Variants in EFCAB8 observed in about 807,000 individuals in gnomAD.
EFCAB8 encodes the protein EF-hand calcium binding domain 8.
A neutral mutation model predicts 116.3 loss-of-function variants in EFCAB8; 100 were observed. The ratio of observed to expected loss-of-function variants is 0.86; its 90% CI spans 0.73 to 1.02. The LOEUF is 1.02. Ranked by LOEUF, EFCAB8 falls within the 50% of genes least tolerant of loss-of-function variation. EFCAB8 has a pLI of 0.00. For missense variants in EFCAB8, 1,320 were observed against 1,416.9 expected (o/e 0.93, Z 1.10); for synonymous variants, 558 against 567.9 (o/e 0.98, Z 0.25).
Position 32,901,961 on chromosome 20 carries a change from C to T in EFCAB8, c.1088+3338C>T, listed in dbSNP as rs143369873. On this transcript the variant is annotated intron_variant, in intron 11 of 26. Coordinates refer to ENST00000400522, the MANE Select transcript of EFCAB8 (RefSeq NM_001143967.2). Reference sequence around the variant, plus strand: ...TCGGCCTCCCAAAGTGCTGGGATTACAGGCGTGAGCCACCGCTCCTGGCCT... The same window carrying T: ...TCGGCCTCCCAAAGTGCTGGGATTATAGGCGTGAGCCACCGCTCCTGGCCT... 2.0e-5 allele frequency among the ~76,000 whole-genome samples: 3 copies of T among 152,332 alleles called. No individual in the cohort carries two copies. The East Asian group carries it at 5.8e-4, about 29-fold the overall frequency.
In EFCAB8 at chr20:32,885,559, G is replaced by T. The variant is rs950273646; in HGVS notation, c.486G>T (p.Lys162Asn). 6 of 1,551,804 alleles carry T rather than the reference G, an allele frequency of 3.9e-6. No homozygotes were observed. Among genetic ancestry groups the T allele is most frequent in the Non-Finnish European group, 5.2e-6 (6 of 1,147,016 alleles). The change falls in exon 6 of 27, where the codon AAG (lysine) becomes AAT (asparagine). Residue 162 changes from lysine to asparagine, a missense_variant. Lys to Asn is a moderately conservative substitution (Grantham distance 94). Coordinates refer to ENST00000400522, the MANE Select transcript of EFCAB8 (RefSeq NM_001143967.2). ...TGTTTTTAATCCACCGGTTCAAGAA[G>T]ATCGGGTGTTTCCTGACTGTCACCA... ...KVVFLIHRFKKIGCFLTVTKD... is the reference protein window; with the variant it reads ...KVVFLIHRFKNIGCFLTVTKD...
chr20:32,929,922 G>A (rs1293926842), intron 20 of EFCAB8, among the ~76,000 whole-genome samples: 1 of 152,198 alleles, frequency 6.6e-6, no homozygotes, highest in African/African-American at 2.4e-5. Flanking sequence ...CAAAGGGCAT[G>A]ATCAAAACAA....
At chr20:32,885,419 C>T in intron 5 of EFCAB8, 86 bp from the exon 6 acceptor site, 1 of 1,517,116 alleles carries the variant, frequency 6.6e-7, no homozygotes, top group Non-Finnish European at 8.9e-7. Context: ...TGTCCCTCCT[C>T]CTCGGTGGCT....
chr20:32,941,717 A>G (rs1988414432), intron 22 of EFCAB8, among the ~76,000 whole-genome samples: 1 of 152,174 alleles, frequency 6.6e-6, no homozygotes, highest in African/African-American at 2.4e-5. Context: ...AGTTGGGGAA[A>G]TTGCGTAGTG....
intron 21 of EFCAB8, 26 bp downstream of exon 21, chr20:32,930,642 G>T: frequency 6.5e-7 from 1 of 1,547,522 alleles, no homozygotes; most frequent in South Asian, 1.2e-5. Flanking sequence ...CAGGAAGATT[G>T]AGGGGCTGGT....
At chr20:32,896,915 T>C (rs1379849511) in intron 10 of EFCAB8, among the ~76,000 whole-genome samples, 2 of 152,150 alleles carry the variant, frequency 1.3e-5, no homozygotes, top group Non-Finnish European at 2.9e-5. Context: ...TGGAACAAAA[T>C]CTCAAGTCCT....
rs11472143 is a variant in EFCAB8 at position 32,921,700 on chromosome 20, C to CTTT, written c.2412+1495_2412+1497dup. The stretch of plus-strand genomic sequence containing the variant: ...CTAACAGGTTGGTTTTAGCCTTGTA[C>CTTT]TTTTTTTTTTTTGACTAGTAATATA... On this transcript the variant is annotated intron_variant, in intron 20 of 26. Coordinates refer to ENST00000400522, the MANE Select transcript of EFCAB8 (RefSeq NM_001143967.2). Among the ~76,000 whole-genome samples the CTTT allele has an allele frequency of 6.6e-3, 965 of 147,068 alleles. 8 individuals are homozygous for CTTT. Among genetic ancestry groups the CTTT allele is most frequent in the African/African-American group, 0.017 (675 of 40,232 alleles).
At chr20:32,948,775 T>C (rs1208598655) in intron 23 of EFCAB8, among the ~76,000 whole-genome samples, 1 of 152,188 alleles carries the variant, frequency 6.6e-6, no homozygotes, top group Non-Finnish European at 1.5e-5. Flanking sequence ...TGTGATTATC[T>C]TGATACAATA....
chr20:32,926,475 T>C (rs1283019963), intron 20 of EFCAB8, among the ~76,000 whole-genome samples: 2 of 151,682 alleles, frequency 1.3e-5, no homozygotes, highest in African/African-American at 4.8e-5. Flanking sequence ...GTGGACAGTT[T>C]TTCCTCTCAG....
chr20:32,882,214 A>C (rs190037507), intron 5 of EFCAB8, among the ~76,000 whole-genome samples: 14 of 152,268 alleles, frequency 9.2e-5, no homozygotes, highest in African/African-American at 3.4e-4. Flanking sequence ...AGAAAAAAAA[A>C]AACAGCATGC....
At chr20:32,881,353 T>C (rs1373328756) in intron 5 of EFCAB8, among the ~76,000 whole-genome samples, 1 of 152,182 alleles carries the variant, frequency 6.6e-6, no homozygotes, top group African/African-American at 2.4e-5. Flanking sequence ...CCTGCTACCA[T>C]GCCTAGCTAA....
chr20:32,884,887 G>A (rs1355466071), intron 5 of EFCAB8, among the ~76,000 whole-genome samples: 1 of 152,222 alleles, frequency 6.6e-6, no homozygotes, highest in African/African-American at 2.4e-5. Flanking sequence ...CTTGGGTGCA[G>A]GGAAGCAACC....
intron 20 of EFCAB8, among the ~76,000 whole-genome samples, chr20:32,927,243 C>T (rs1034442879): frequency 6.6e-6 from 1 of 152,196 alleles, no homozygotes; most frequent in Admixed American, 6.5e-5. Context: ...TGAACTTAAA[C>T]TTGAACTTAG....
At chr20:32,948,561 AAAGAAAG>A (rs1988687771) in intron 23 of EFCAB8, among the ~76,000 whole-genome samples, 1 of 149,764 alleles carries the variant, frequency 6.7e-6, no homozygotes, top group East Asian at 1.9e-4. Context: ...AGAAAGAAAG[AAAGAAAG>A]AAAGAAAGAA....
At chr20:32,936,364 G>A (rs187281237) in intron 22 of EFCAB8, among the ~76,000 whole-genome samples, 90 of 152,090 alleles carry the variant, frequency 5.9e-4, no homozygotes, top group Middle Eastern at 3.4e-3. Context: ...GTGCTTTTGG[G>A]GTCATAGCTA....
At chr20:32,949,079 T>C (rs1395401079) in intron 23 of EFCAB8, among the ~76,000 whole-genome samples, 1 of 151,974 alleles carries the variant, frequency 6.6e-6, no homozygotes, top group East Asian at 1.9e-4. Flanking sequence ...ATGTAGAAAA[T>C]CCAGTGGATT....
intron 20 of EFCAB8, 48 bp downstream of exon 20, chr20:32,920,263 G>A (rs566320942): frequency 2.5e-5 from 39 of 1,545,158 alleles, no homozygotes; most frequent in East Asian, 4.9e-5. Context: ...GGGAGTGGGC[G>A]GTCAGGATTG....
chr20:32,873,397 A>T (rs1984785408), intron 3 of EFCAB8, among the ~76,000 whole-genome samples: 1 of 151,584 alleles, frequency 6.6e-6, no homozygotes, highest in Non-Finnish European at 1.5e-5. Context: ...CTTTTTAAAG[A>T]TTGTGATTAT....
rs1448294125 is a variant in EFCAB8 at position 32,906,644 on chromosome 20, T to C, written c.1156+15T>C. The stretch of plus-strand genomic sequence containing the variant: ...GAACTTCCTGGGTAAGTCACCTTCA[T>C]GTCACCCAGAAGCTGCTGGGGGGAG... On this transcript the variant is annotated intron_variant, in intron 12 of 26. Transcript: ENST00000400522. The C allele has an allele frequency of 1.4e-6, 1 of 717,926 alleles. No homozygotes were observed. Among genetic ancestry groups the C allele is most frequent in the Non-Finnish European group, 2.6e-6 (1 of 385,118 alleles). The allele number at this position is 717,926 out of a possible 1,614,324, so 44.5% of individuals were successfully genotyped here.
Sources: allele counts gnomAD v4.1 joint callset (sites outside exome capture counted in the v4.1 genomes callset), GRCh38; gene constraint gnomAD v4.1.1; transcripts MANE v1.5; gene names NCBI Gene and HGNC (gene_info 2026-07-23, HGNC 2026-07-21).